The following SLCO6A1 variants were observed in gnomAD, a reference collection of about 807,000 sequenced individuals.
The protein encoded by SLCO6A1 is solute carrier organic anion transporter family member 6A1.
A neutral mutation model predicts 72.7 loss-of-function variants in SLCO6A1; 65 were observed. That is an observed-to-expected ratio of 0.89 (90% CI 0.73 to 1.10). SLCO6A1 has a LOEUF of 1.10. Ranked by LOEUF, SLCO6A1 falls within the 50% of genes least tolerant of loss-of-function variation. SLCO6A1 has a pLI of 0.00. For synonymous variants in SLCO6A1, 314 were observed against 298.2 expected (o/e 1.05, Z -0.55); for missense variants, 874 against 872.6 (o/e 1.00, Z -0.02).
intron 10 of SLCO6A1, among the ~76,000 whole-genome samples, chr5:102,396,660 G>T (rs1329466315): frequency 6.6e-6 from 1 of 152,080 alleles, no homozygotes; most frequent in Non-Finnish European, 1.5e-5. Context: ...GAGTGTGTAG[G>T]GGGTGGGTGA....
At chr5:102,480,507 A>C (rs749072113) in intron 1 of SLCO6A1, 73 bp from the exon 2 acceptor site, 24 of 1,366,244 alleles carry the variant, frequency 1.8e-5, no homozygotes, top group Non-Finnish European at 2.3e-5. Context: ...TACAAAGCAA[A>C]ATTTAAATTA....
chr5:102,415,873 T>C (rs537107846), intron 8 of SLCO6A1, among the ~76,000 whole-genome samples: 1 of 152,004 alleles, frequency 6.6e-6, no homozygotes, highest in African/African-American at 2.4e-5. Flanking sequence ...CCCCCACAAA[T>C]AATTTCACTG....
At chr5:102,373,833 G>A (rs1403091304) in intron 12 of SLCO6A1, among the ~76,000 whole-genome samples, 1 of 152,092 alleles carries the variant, frequency 6.6e-6, no homozygotes, top group Non-Finnish European at 1.5e-5. Flanking sequence ...GTCATTTCAT[G>A]CAGCTTTGCT....
chr5:102,397,969 C>G (rs1229708763), intron 10 of SLCO6A1, among the ~76,000 whole-genome samples: 1 of 152,128 alleles, frequency 6.6e-6, no homozygotes, highest in Non-Finnish European at 1.5e-5. Flanking sequence ...TCTCTTTCAT[C>G]TCACTGCTGG....
intron 4 of SLCO6A1, among the ~76,000 whole-genome samples, chr5:102,474,484 A>G (rs1243413032): frequency 6.6e-6 from 1 of 152,040 alleles, no homozygotes; most frequent in African/African-American, 2.4e-5. Context: ...AGAGGAAAGC[A>G]TAGGGAGAAT....
In SLCO6A1 at chr5:102,483,189, A is replaced by G. The variant is rs1225375559; in HGVS notation, c.359-2755T>C. On this transcript the variant is annotated intron_variant, in intron 1 of 13. Coordinates refer to ENST00000506729, the MANE Select transcript of SLCO6A1 (RefSeq NM_173488.5). ...AATGGCTTTCTTTTGGTGAACATTC[A>G]TTCAGATAGGATAACTCTGCTCATA... 2.0e-5 allele frequency among the ~76,000 whole-genome samples: 3 copies of G among 152,308 alleles called. No individual in the cohort carries two copies. The East Asian group carries it at 5.8e-4, about 29-fold the overall frequency.
intron 6 of SLCO6A1, among the ~76,000 whole-genome samples, chr5:102,457,902 C>T (rs553079631): frequency 6.6e-6 from 1 of 152,190 alleles, no homozygotes. Context: ...CATATATACA[C>T]CATGGAATAC....
chr5:102,477,227 G>A (rs1026354907), intron 3 of SLCO6A1, among the ~76,000 whole-genome samples: 1 of 151,966 alleles, frequency 6.6e-6, no homozygotes, highest in African/African-American at 2.4e-5. Context: ...GTTTAAGCAA[G>A]TCTCCTGCCT....
At chr5:102,393,957 T>G (rs1746915226) in intron 10 of SLCO6A1, among the ~76,000 whole-genome samples, 1 of 152,212 alleles carries the variant, frequency 6.6e-6, no homozygotes, top group Non-Finnish European at 1.5e-5. Context: ...TTTGTCATTC[T>G]TAGCCCCATG....
intron 12 of SLCO6A1, among the ~76,000 whole-genome samples, chr5:102,386,622 C>T (rs1746433353): frequency 6.6e-6 from 1 of 152,152 alleles, no homozygotes; most frequent in Admixed American, 6.6e-5. Flanking sequence ...GTTCCCAGCC[C>T]AGTGCCTAGG....
intron 1 of SLCO6A1, among the ~76,000 whole-genome samples, chr5:102,494,796 G>A (rs538645085): frequency 4.7e-4 from 71 of 152,228 alleles, no homozygotes; most frequent in African/African-American, 1.4e-3. Context: ...TATTGCTGAC[G>A]GGCAGGATCG....
chr5:102,489,203 C>T (rs982682194), intron 1 of SLCO6A1, among the ~76,000 whole-genome samples: 1 of 152,204 alleles, frequency 6.6e-6, no homozygotes, highest in African/African-American at 2.4e-5. Flanking sequence ...CAGCAGGATA[C>T]ACGCAACCTC....
chr5:102,477,838 C>T lies in SLCO6A1; in HGVS notation c.640G>A (p.Val214Ile), dbSNP rs1751988396. The T allele has an allele frequency of 1.2e-6, 2 of 1,606,348 alleles. No homozygotes were observed. The highest frequency in any genetic ancestry group is 1.7e-6 in the Non-Finnish European group (2 of 1,177,044). The change falls in exon 3 of 14, where the codon GTC becomes ATC. Residue 214 changes from valine to isoleucine, a missense_variant. Coordinates refer to ENST00000506729, the MANE Select transcript of SLCO6A1 (RefSeq NM_173488.5). ...IEDICEEIKV[V>I]SGCQSSGISF... ...ATACCACTGCTCTGGCAACCACTGA[C>T]AACCTTTATTTCTTCGCAAATATCT...
Position 102,498,794 on chromosome 5 carries a change from C to T in SLCO6A1, c.51G>A (p.Arg17=). ...GCGCGGCCTCCAGCGGCTCTACTCC[C>T]CTTGAGACTTCATCCTGGCTCCCAG... ...RHSGSQDEVS[R]GVEPLEAARA... The change falls in exon 1 of 14, where the codon AGG becomes AGA. Residue 17 remains arginine, a synonymous_variant. Coordinates refer to ENST00000506729, the MANE Select transcript of SLCO6A1 (RefSeq NM_173488.5). The T allele has an allele frequency of 6.2e-7, 1 of 1,613,892 alleles. No individual in the cohort carries two copies. The highest frequency in any genetic ancestry group is 8.5e-7 in the Non-Finnish European group (1 of 1,179,980).
chr5:102,493,553 G>T (rs1341803151), intron 1 of SLCO6A1, among the ~76,000 whole-genome samples: 1 of 152,054 alleles, frequency 6.6e-6, no homozygotes, highest in African/African-American at 2.4e-5. Context: ...ACTGTGAAAG[G>T]CTGAATTTTT....
chr5:102,497,036 C>A (rs1752938236), intron 1 of SLCO6A1, among the ~76,000 whole-genome samples: 1 of 152,316 alleles, frequency 6.6e-6, no homozygotes, highest in South Asian at 2.1e-4. Flanking sequence ...ATGGGTCTTA[C>A]AACATACAGC....
intron 8 of SLCO6A1, among the ~76,000 whole-genome samples, chr5:102,418,172 T>G (rs1188485697): frequency 1.3e-5 from 2 of 152,040 alleles, no homozygotes. Flanking sequence ...ACCCTTATCT[T>G]TGGACATTTA....
intron 1 of SLCO6A1, among the ~76,000 whole-genome samples, chr5:102,481,612 T>A (rs1752198403): frequency 6.6e-6 from 1 of 152,004 alleles, no homozygotes; most frequent in East Asian, 1.9e-4. Context: ...ACTTGCAGAG[T>A]TTATCTTTTA....
At chr5:102,459,880 T>G in intron 4 of SLCO6A1, 103 bp from the exon 5 acceptor site, 10 of 798,912 alleles carry the variant, frequency 1.3e-5, no homozygotes, top group Admixed American at 3.3e-5. Context: ...AGAGGGAGGG[T>G]TGGAGAGTGA....
Sources: gnomAD v4.1 joint callset for allele counts (sites outside exome capture counted in the v4.1 genomes callset) on GRCh38, gnomAD v4.1.1 for gene constraint, MANE v1.5 for transcripts, NCBI Gene and HGNC (gene_info 2026-07-23, HGNC 2026-07-21) for gene names.